Variants in CTNNA2 observed in about 807,000 individuals in gnomAD.
The protein encoded by CTNNA2 is catenin alpha 2.
In CTNNA2, 42 loss-of-function variants were observed where a neutral mutation model predicts 101.0. The ratio of observed to expected loss-of-function variants is 0.42; its 90% CI spans 0.32 to 0.54. CTNNA2 has a LOEUF of 0.54. Ranked by LOEUF, CTNNA2 falls within the 20% of genes least tolerant of loss-of-function variation. The pLI is 0.14. For missense variants in CTNNA2, 871 were observed against 1,223.1 expected (o/e 0.71, Z 4.29); for synonymous variants, 450 against 456.4 (o/e 0.99, Z 0.18).
chr2:79,673,666 T>A (rs1032545591), intron 2 of CTNNA2, among the ~76,000 whole-genome samples: 2 of 152,204 alleles, frequency 1.3e-5, no homozygotes, highest in Non-Finnish European at 2.9e-5. Context: ...AAAAACACTC[T>A]TGTTTTATCT....
intron 2 of CTNNA2, among the ~76,000 whole-genome samples, chr2:79,689,402 A>C (rs1684143909): frequency 1.3e-5 from 2 of 152,008 alleles, no homozygotes; most frequent in African/African-American, 4.8e-5. Flanking sequence ...TGGAAATCAG[A>C]CATCACAAGG....
intron 7 of CTNNA2, among the ~76,000 whole-genome samples, chr2:80,195,408 T>G (rs1198914721): frequency 1.3e-5 from 2 of 152,208 alleles, no homozygotes; most frequent in African/African-American, 2.4e-5. Flanking sequence ...TTTGTGAATC[T>G]TGATTTAACA....
chr2:80,336,577 A>G (rs1671782232), intron 7 of CTNNA2, among the ~76,000 whole-genome samples: 2 of 152,224 alleles, frequency 1.3e-5, no homozygotes, highest in South Asian at 4.1e-4. Context: ...TACACAATGA[A>G]TGAGTTTTGA....
At chr2:79,688,044 C>G (rs1000941048) in intron 2 of CTNNA2, among the ~76,000 whole-genome samples, 11 of 151,978 alleles carry the variant, frequency 7.2e-5, no homozygotes, top group Non-Finnish European at 1.5e-4. Context: ...TTGAGTTGGC[C>G]CTAAACAAAA....
At chr2:80,612,933 T>C (rs1011475609) in intron 17 of CTNNA2, 1 of 151,490 alleles carries the variant, frequency 6.6e-6, no homozygotes, top group Non-Finnish European at 1.5e-5. Flanking sequence ...AAAATAATTT[T>C]ATCCAGACCT....
chr2:79,979,087 AGT>A (rs1015159885), intron 7 of CTNNA2, among the ~76,000 whole-genome samples: 6 of 152,162 alleles, frequency 3.9e-5, no homozygotes, highest in Non-Finnish European at 8.8e-5. Flanking sequence ...GGATGAAAGC[AGT>A]GTGATTTTCT....
intron 7 of CTNNA2, among the ~76,000 whole-genome samples, chr2:80,075,712 TA>T (rs534637538): frequency 0.019 from 1,405 of 72,948 alleles, 117 homozygotes; most frequent in African/African-American, 0.075. Flanking sequence ...ATAAATATTA[TA>T]AAAATAATAT....
chr2:79,305,169 A>G (rs1464621871), intron 2 of CTNNA2, among the ~76,000 whole-genome samples: 1 of 152,068 alleles, frequency 6.6e-6, no homozygotes, highest in Non-Finnish European at 1.5e-5. Flanking sequence ...TATAAAACAA[A>G]ACTTGAATAT....
At chr2:79,543,948 G>A (rs1454748159) in intron 1 of CTNNA2, among the ~76,000 whole-genome samples, 1 of 152,070 alleles carries the variant, frequency 6.6e-6, no homozygotes, top group Admixed American at 6.6e-5. Flanking sequence ...ATCCAGGTTT[G>A]GGGACTTTTC....
At chr2:80,271,085 A>T (rs113745495) in intron 7 of CTNNA2, among the ~76,000 whole-genome samples, 180 of 152,330 alleles carry the variant, frequency 1.2e-3, no homozygotes, top group Middle Eastern at 3.4e-3. Context: ...CCTCTAGCAG[A>T]TGTGGACTAT....
chr2:79,356,100 A>G (rs1392859697), intron 3 of CTNNA2, among the ~76,000 whole-genome samples: 3 of 151,422 alleles, frequency 2.0e-5, no homozygotes, highest in Non-Finnish European at 4.4e-5. Context: ...ATATACCTAT[A>G]TAATTATAAA....
chr2:79,589,844 ACTTCTCT>A (rs1195485185), intron 1 of CTNNA2, among the ~76,000 whole-genome samples: 1 of 152,170 alleles, frequency 6.6e-6, no homozygotes, highest in Non-Finnish European at 1.5e-5. Flanking sequence ...GTGTCTTCTA[ACTTCTCT>A]CTAGGAATTA....
At chr2:79,261,016 A>G (rs1674914570) in intron 2 of CTNNA2, among the ~76,000 whole-genome samples, 1 of 152,232 alleles carries the variant, frequency 6.6e-6, no homozygotes, top group African/African-American at 2.4e-5. Flanking sequence ...CCCTAAGCAC[A>G]TGTTGATAGT....
chr2:80,446,790 G>A (rs1574060830), intron 9 of CTNNA2, among the ~76,000 whole-genome samples: 1 of 152,132 alleles, frequency 6.6e-6, no homozygotes, highest in Non-Finnish European at 1.5e-5. Flanking sequence ...AAATCTAGTA[G>A]TGTAGAAAAC....
chr2:80,587,879 C>A (rs559450560), intron 14 of CTNNA2, among the ~76,000 whole-genome samples: 1 of 152,082 alleles, frequency 6.6e-6, no homozygotes, highest in Non-Finnish European at 1.5e-5. Flanking sequence ...GGATGTGATA[C>A]GGTGATGACA....
chr2:79,719,132 A>G (rs1686309132), intron 2 of CTNNA2, among the ~76,000 whole-genome samples: 1 of 152,116 alleles, frequency 6.6e-6, no homozygotes, highest in Non-Finnish European at 1.5e-5. Context: ...TATAAGTGAG[A>G]ACATGCAGTA....
At chr2:80,387,764 T>A (rs1032986292) in intron 7 of CTNNA2, among the ~76,000 whole-genome samples, 3 of 152,160 alleles carry the variant, frequency 2.0e-5, no homozygotes, top group Non-Finnish European at 4.4e-5. Flanking sequence ...ATTTATTCCC[T>A]TTGCTCTCAT....
At chr2:80,491,636 G>A (rs1226940189) in intron 9 of CTNNA2, among the ~76,000 whole-genome samples, 2 of 152,136 alleles carry the variant, frequency 1.3e-5, no homozygotes, top group African/African-American at 4.8e-5. Context: ...GCATTTTATT[G>A]AGCAACTATG....
At chr2:79,721,170 T>C (rs1026081581) in intron 2 of CTNNA2, among the ~76,000 whole-genome samples, 2 of 152,250 alleles carry the variant, frequency 1.3e-5, no homozygotes, top group South Asian at 2.1e-4. Flanking sequence ...TCTAGAGACT[T>C]CTGCTCTGCA....
Sources: allele counts gnomAD v4.1 joint callset (sites outside exome capture counted in the v4.1 genomes callset), GRCh38; gene constraint gnomAD v4.1.1; transcripts MANE v1.5; gene names NCBI Gene and HGNC (gene_info 2026-07-23, HGNC 2026-07-21).